Variants in FAM53A observed in about 807,000 individuals in gnomAD.
The protein encoded by FAM53A is family with sequence similarity 53 member A.
Under a neutral mutation model 26.6 loss-of-function variants are expected in FAM53A, and 28 were observed. The observed-to-expected ratio is 1.05, with a 90% CI of 0.78 to 1.45. The LOEUF (loss-of-function observed/expected upper bound fraction) is 1.45. Among genes scored for constraint, FAM53A ranks in the 40% most tolerant of loss-of-function variants. The probability of loss-of-function intolerance (pLI) is 0.00; values close to 1 mark genes in which losing one functional copy is unlikely to be tolerated. For missense variants in FAM53A, 650 were observed against 575.8 expected (o/e 1.13, Z -1.32); for synonymous variants, 290 against 253.1 (o/e 1.15, Z -1.38).
the FAM53A span, among the ~76,000 whole-genome samples, chr4:1,600,170 G>C: frequency 6.6e-6 from 1 of 152,296 alleles, no homozygotes; most frequent in Admixed American, 6.5e-5. Flanking sequence ...AAGCCCTGCT[G>C]CCGGTTTTAG....
At chr4:1,586,137 T>A in the FAM53A span, among the ~76,000 whole-genome samples, 1 of 152,206 alleles carries the variant, frequency 6.6e-6, no homozygotes, top group South Asian at 2.1e-4. Flanking sequence ...ATGTCTTGGC[T>A]GTTACAAATA....
At chr4:1,642,723 G>A (rs564276776) in intron 4 of FAM53A, among the ~76,000 whole-genome samples, 7 of 146,484 alleles carry the variant, frequency 4.8e-5, no homozygotes, top group African/African-American at 1.8e-4. Flanking sequence ...GGTGCCCAGC[G>A]CCGTCCATGC....
rs947951797 is a variant in FAM53A, at chr4:1,640,335, G to C, written c.*958C>G. The C allele has an allele frequency of 4.5e-6, 1 of 220,292 alleles. No individual in the cohort carries two copies. Among genetic ancestry groups the C allele is most frequent in the African/African-American group, 2.5e-5 (1 of 39,986 alleles). 13.6% of individuals were successfully genotyped at this position (220,292 alleles called of 1,614,324 possible). ...GCGCAAGCCCCAAGCACCGTGACCC[G>C]TCGGGAGGGGGGGACACACGGGGCC... On this transcript the variant is annotated 3_prime_UTR_variant, in exon 5 of 5. Transcript: ENST00000308132.
At chr4:1,585,033 T>C in the FAM53A span, among the ~76,000 whole-genome samples, 1 of 152,258 alleles carries the variant, frequency 6.6e-6, no homozygotes, top group African/African-American at 2.4e-5. Context: ...TTTTGAAATA[T>C]GCATACATTG....
the FAM53A span, among the ~76,000 whole-genome samples, chr4:1,574,774 G>A: frequency 3.3e-5 from 5 of 152,220 alleles, no homozygotes; most frequent in Non-Finnish European, 7.3e-5. Flanking sequence ...CTGGCTGGAC[G>A]GCAGGTGGTC....
At chr4:1,594,067 G>C in the FAM53A span, among the ~76,000 whole-genome samples, 4 of 151,742 alleles carry the variant, frequency 2.6e-5, no homozygotes, top group Middle Eastern at 3.4e-3. Context: ...GACCGCTGCA[G>C]GGAGGGGCGC....
In FAM53A at chr4:1,653,439, CGCCCCA is replaced by C. The variant is rs1046436567; in HGVS notation, c.882+1533_882+1538del. ...ATACGTCGCTGGCACCATCATTCCC[CGCCCCA>C]CAACGTGCTGAGCCGGCAGCTCCCT... is the stretch of plus-strand genomic sequence containing the variant. On this transcript the variant is annotated intron_variant, in intron 4 of 4. Coordinates refer to ENST00000308132, the MANE Select transcript of FAM53A (RefSeq NM_001174070.3). Among the ~76,000 whole-genome samples, 7 of 152,292 alleles carry C rather than the reference CGCCCCA, an allele frequency of 4.6e-5. No homozygotes were observed. In the South Asian group the frequency reaches 6.2e-4, roughly 14 times the overall value.
At chr4:1,645,877 C>G (rs544527355) in intron 4 of FAM53A, among the ~76,000 whole-genome samples, 149 of 152,320 alleles carry the variant, frequency 9.8e-4, no homozygotes, top group Admixed American at 1.8e-3. Context: ...ACGTATACCT[C>G]CAAATCTCTA....
chr4:1,626,106 G>A (rs1023502405), intron 1 of FAM53A, among the ~76,000 whole-genome samples: 4 of 152,206 alleles, frequency 2.6e-5, no homozygotes, highest in Admixed American at 2.0e-4. Flanking sequence ...TCTGGGCCTT[G>A]TTCCTGTCTC....
chr4:1,617,124 T>A (rs1714839240), downstream of FAM53A, among the ~76,000 whole-genome samples: 1 of 82,164 alleles, frequency 1.2e-5, no homozygotes, highest in African/African-American at 4.9e-5. Flanking sequence ...AGAGGGAGAC[T>A]CCATCTTGAA....
chr4:1,575,006 G>A, the FAM53A span, among the ~76,000 whole-genome samples: 1 of 152,232 alleles, frequency 6.6e-6, no homozygotes, highest in Admixed American at 6.5e-5. Flanking sequence ...GAAGCAACCT[G>A]CACATCTAAA....
intron 1 of FAM53A, among the ~76,000 whole-genome samples, chr4:1,624,879 C>T (rs953972532): frequency 2.0e-5 from 3 of 152,120 alleles, no homozygotes; most frequent in Non-Finnish European, 4.4e-5. Flanking sequence ...CCCACGTGGT[C>T]AGGGGTCACA....
At position 1,624,076 on chromosome 4, in the gene FAM53A, TGTC is replaced by T. The variant is rs541981864; in HGVS notation, c.432-5968_432-5966del. ...TGGGTGGCCTGTCCTACTCCAGCTG[TGTC>T]GTCTGCAGGGACCACTGGTGGCCAG... On this transcript the variant is annotated intron_variant, in intron 1 of 1. Transcript: ENST00000489029. 3.3e-4 allele frequency among the ~76,000 whole-genome samples: 50 copies of T among 152,310 alleles called. 3 individuals carry two copies. The South Asian group carries it at 8.3e-3, about 25-fold the overall frequency.
At chr4:1,620,223 A>G (rs2108741656) in intron 1 of FAM53A, among the ~76,000 whole-genome samples, 1 of 151,292 alleles carries the variant, frequency 6.6e-6, no homozygotes, top group Admixed American at 6.6e-5. Flanking sequence ...AAAAAAAATT[A>G]ATTAATTAAA....
At chr4:1,607,888 C>T in the FAM53A span, among the ~76,000 whole-genome samples, 7 of 151,124 alleles carry the variant, frequency 4.6e-5, no homozygotes, top group African/African-American at 7.3e-5. Context: ...TGCAGTGAGC[C>T]GAGATCACGC....
chr4:1,614,429 G>A (rs1218604743), downstream of FAM53A, among the ~76,000 whole-genome samples: 15 of 135,454 alleles, frequency 1.1e-4, no homozygotes, highest in African/African-American at 4.3e-4. Flanking sequence ...GCAGAGACGT[G>A]AGGGGGATGC....
intron 4 of FAM53A, among the ~76,000 whole-genome samples, chr4:1,650,177 G>T (rs1397955071): frequency 8.0e-6 from 1 of 124,512 alleles, no homozygotes; most frequent in Non-Finnish European, 1.6e-5. Flanking sequence ...GGTGGCACAG[G>T]CGTGGCGTTT....
At chr4:1,613,508 G>GT (rs1329393676), downstream of FAM53A, among the ~76,000 whole-genome samples, 1 of 152,162 alleles carries the variant, frequency 6.6e-6, no homozygotes, top group Admixed American at 6.5e-5. Flanking sequence ...ACACAAACAC[G>GT]CAAAACACTG....
Position 1,655,492 on chromosome 4 carries a change from G to A in FAM53A, c.368C>T (p.Ser123Phe). The change falls in exon 4 of 5, where the codon TCC becomes TTC. Residue 123 changes from serine to phenylalanine, a missense_variant. Transcript: ENST00000308132. ...TAPPTKRHCR[S>F]LSEPEELVRC... The stretch of plus-strand genomic sequence containing the variant: ...CACAAGCTCCTCGGGTTCTGACAAG[G>A]ACCGGCAATGCCGCTTGGTCGGTGG... 1 of 1,576,046 alleles carries A rather than the reference G, an allele frequency of 6.3e-7. No homozygotes were observed. The highest frequency in any genetic ancestry group is 8.6e-7 in the Non-Finnish European group (1 of 1,159,676).
Sources: gnomAD v4.1 joint callset for allele counts (sites outside exome capture counted in the v4.1 genomes callset) on GRCh38, gnomAD v4.1.1 for gene constraint, MANE v1.5 for transcripts, NCBI Gene and HGNC (gene_info 2026-07-23, HGNC 2026-07-21) for gene names.